Variants in AKAP9 observed in about 807,000 individuals in gnomAD.
AKAP9 encodes the protein A-kinase anchor protein 9.
In AKAP9, 311 loss-of-function variants were observed where a neutral mutation model predicts 488.5. The observed-to-expected ratio is 0.64, with a 90% confidence interval of 0.58 to 0.70. The LOEUF is 0.70. Among genes scored for constraint, AKAP9 ranks in the 30% least tolerant of loss-of-function variants. The probability of loss-of-function intolerance (pLI) is 0.00; values close to 1 mark genes in which losing one functional copy is unlikely to be tolerated. For synonymous variants in AKAP9, 1,462 were observed against 1,483.5 expected (o/e 0.99, Z 0.33); for missense variants, 4,215 against 4,374.5 (o/e 0.96, Z 1.03).
intron 5 of AKAP9, among the ~76,000 whole-genome samples, chr7:91,993,771 G>A (rs1798060253): frequency 6.6e-6 from 1 of 152,122 alleles, no homozygotes; most frequent in South Asian, 2.1e-4. Context: ...AGATGTTTTT[G>A]TAATCAGCCT....
chr7:92,013,213 G>C (rs939634020), intron 9 of AKAP9, among the ~76,000 whole-genome samples: 1 of 151,204 alleles, frequency 6.6e-6, no homozygotes, highest in Non-Finnish European at 1.5e-5. Context: ...GGATGGTCTC[G>C]ATCTCCTGAC....
At chr7:92,006,390 ATCT>A (rs1344316669) in intron 8 of AKAP9, among the ~76,000 whole-genome samples, 1 of 151,998 alleles carries the variant, frequency 6.6e-6, no homozygotes, top group Non-Finnish European at 1.5e-5. Context: ...GGCTTAAATG[ATCT>A]TCTTGCCTTG....
chr7:92,101,175 G>A (rs780526628), intron 45 of AKAP9, 119 bp downstream of exon 45: 45 of 955,462 alleles, frequency 4.7e-5, no homozygotes, highest in African/African-American at 1.7e-4. Flanking sequence ...AGTGGTTCAC[G>A]CCTATAGTCC....
intron 1 of AKAP9, among the ~76,000 whole-genome samples, chr7:91,954,049 A>G (rs907945976): frequency 1.3e-5 from 2 of 152,202 alleles, no homozygotes; most frequent in South Asian, 2.1e-4. Context: ...GGTTATTGTA[A>G]AGATGTGGAG....
chr7:92,074,357 AAAC>A, intron 28 of AKAP9, among the ~76,000 whole-genome samples: 1 of 152,230 alleles, frequency 6.6e-6, no homozygotes, highest in East Asian at 1.9e-4. Flanking sequence ...ATTAAAGAGG[AAAC>A]AACAGATGCT....
At chr7:91,985,917 G>C (rs1584716280) in intron 3 of AKAP9, among the ~76,000 whole-genome samples, 1 of 152,160 alleles carries the variant, frequency 6.6e-6, no homozygotes, top group South Asian at 2.1e-4. Context: ...AAAGTACTGG[G>C]ATTACAGGCA....
chr7:92,032,333 C>T (rs996701836), intron 16 of AKAP9, among the ~76,000 whole-genome samples: 2 of 151,950 alleles, frequency 1.3e-5, no homozygotes, highest in Non-Finnish European at 2.9e-5. Context: ...CCTGGCTCTA[C>T]TAAAAATACA....
intron 1 of AKAP9, among the ~76,000 whole-genome samples, chr7:91,954,938 G>A (rs994833393): frequency 2.6e-5 from 4 of 152,232 alleles, no homozygotes; most frequent in Non-Finnish European, 4.4e-5. Flanking sequence ...GATACAAAGA[G>A]AAGTGTTTTA....
chr7:92,068,365 CAAAAAAAAAAAAA>C (rs77237109), intron 26 of AKAP9, among the ~76,000 whole-genome samples: 1 of 46,530 alleles, frequency 2.1e-5, no homozygotes. Context: ...GACTCCGTCT[CAAAAAAAAAAAAA>C]AAAAAAAAAG....
At chr7:92,015,245 A>G (rs1209557146) in intron 10 of AKAP9, among the ~76,000 whole-genome samples, 4 of 152,124 alleles carry the variant, frequency 2.6e-5, no homozygotes, top group Non-Finnish European at 5.9e-5. Context: ...TGGGACATGT[A>G]TTGTTTTAAA....
chr7:91,969,554 T>A (rs1794802935), intron 1 of AKAP9, among the ~76,000 whole-genome samples: 1 of 152,212 alleles, frequency 6.6e-6, no homozygotes, highest in Non-Finnish European at 1.5e-5. Flanking sequence ...TCCCTTTAGA[T>A]CTATTAATAC....
intron 45 of AKAP9, 127 bp from the exon 46 acceptor site, chr7:92,102,467 T>TACTACTACC (rs1416906658): frequency 1.2e-5 from 8 of 680,514 alleles, no homozygotes; most frequent in Non-Finnish European, 1.8e-5. Flanking sequence ...CTACTACTAC[T>TACTACTACC]ACTACTACTA....
intron 21 of AKAP9, among the ~76,000 whole-genome samples, chr7:92,050,297 A>G (rs777421867): frequency 5.3e-5 from 8 of 151,526 alleles, no homozygotes; most frequent in Admixed American, 2.0e-4. Flanking sequence ...GAGTTTCACC[A>G]TATTAGCCAG....
At position 92,107,286 on chromosome 7, in the gene AKAP9, A is replaced by T; in HGVS notation, c.11417-7A>T. 1 of 1,613,838 alleles carries T rather than the reference A, an allele frequency of 6.2e-7. No homozygotes were observed. Among genetic ancestry groups the T allele is most frequent in the African/African-American group, 1.3e-5 (1 of 75,016 alleles). ...TTCTTTACAAGGAATATTTTGGGTT[A>T]CTTTAGGTGCAGAAAAGACTGACTC... is the stretch of plus-strand genomic sequence containing the variant. On this transcript the variant is annotated splice_polypyrimidine_tract_variant and splice_region_variant and intron_variant, in intron 47 of 49. Coordinates refer to ENST00000356239, the MANE Select transcript of AKAP9 (RefSeq NM_005751.5).
intron 21 of AKAP9, among the ~76,000 whole-genome samples, chr7:92,045,817 CTT>C (rs917451373): frequency 1.4e-5 from 2 of 146,506 alleles, no homozygotes; most frequent in African/African-American, 5.0e-5. Flanking sequence ...GGATTCAGCT[CTT>C]CTTTCCGTTT....
intron 27 of AKAP9, 82 bp downstream of exon 27, chr7:92,070,288 T>TA (rs1811481887): frequency 7.2e-7 from 1 of 1,396,730 alleles, no homozygotes; most frequent in Admixed American, 1.7e-5. Flanking sequence ...TAGGTATTAT[T>TA]ACATATTATG....
At position 92,061,143 on chromosome 7, in the gene AKAP9, A is replaced by G. The variant is rs56072181; in HGVS notation, c.5602-117A>G. The G allele has an allele frequency of 0.39, 459,360 of 1,190,670 alleles. 90,860 individuals carry two copies. Among genetic ancestry groups the G allele is most frequent in the African/African-American group, 0.47 (30,649 of 65,816 alleles). The allele number at this position is 1,190,670 out of a possible 1,614,324, so 73.8% of individuals were successfully genotyped here. A position where few individuals can be genotyped will look rare whatever the true frequency, so the allele number is the denominator to read the frequency against. On this transcript the variant is annotated intron_variant, in intron 22 of 49. Transcript: ENST00000356239. ...ATACACTGGCAATATCTAAATGACT[A>G]CAATTCAGTAGTATATCTTTATTTT...
At chr7:92,031,933 C>G (rs766186231) in intron 16 of AKAP9, among the ~76,000 whole-genome samples, 1 of 152,132 alleles carries the variant, frequency 6.6e-6, no homozygotes, top group Non-Finnish European at 1.5e-5. Context: ...GTGGTTGGTC[C>G]TCTGTATATA....
rs78351282 is a variant in AKAP9, at chr7:92,096,888, G to C, written c.9929G>C (p.Arg3310Pro). ...VLLESEKVRI[R>P]EMSSTLDRER... ...CTTGAATCTGAGAAAGTTCGAATTC[G>C]GGAAATGAGTAGTACCCTAGATAGG... is the stretch of plus-strand genomic sequence containing the variant. Residue 3310 changes from arginine to proline, a missense_variant, in exon 41 of 50, where the codon CGG (arginine) becomes CCG (proline). This residue lies in a region of AKAP9 where 1,476 missense variants were observed against 1,477.4 expected (regional missense o/e 1.00). Transcript: ENST00000356239. 6.2e-7 allele frequency: 1 copy of C among 1,614,124 alleles called. No individual in the cohort carries two copies. The highest frequency in any genetic ancestry group is 8.5e-7 in the Non-Finnish European group (1 of 1,180,034).
Sources: allele counts gnomAD v4.1 joint callset (sites outside exome capture counted in the v4.1 genomes callset), GRCh38; gene constraint gnomAD v4.1.1; regional missense constraint gnomAD v4.1.1; transcripts MANE v1.5; gene names NCBI Gene and HGNC (gene_info 2026-07-23, HGNC 2026-07-21).